The following MEPCE variants were observed in gnomAD, a reference collection of about 807,000 sequenced individuals.
MEPCE encodes methylphosphate capping enzyme, also known as 7SK snRNA methylphosphate capping enzyme.
In MEPCE, 9 loss-of-function variants were observed where a neutral mutation model predicts 52.3. The ratio of observed to expected loss-of-function variants is 0.17; its 90% CI spans 0.10 to 0.30. The LOEUF is 0.30. Ranked by LOEUF, MEPCE falls within the 10% of genes least tolerant of loss-of-function variation. MEPCE has a pLI of 1.00. For synonymous variants in MEPCE, 477 were observed against 401.6 expected (o/e 1.19, Z -2.25); for missense variants, 826 against 933.0 (o/e 0.89, Z 1.49).
Position 100,433,769 on chromosome 7 carries a change from C to T in MEPCE, c.*215C>T, listed in dbSNP as rs765929049. The T allele has an allele frequency of 6.8e-6, 4 of 589,986 alleles. No homozygotes were observed. Among genetic ancestry groups the T allele is most frequent in the Non-Finnish European group, 1.2e-5 (4 of 334,126 alleles). 36.5% of individuals were successfully genotyped at this position (589,986 alleles called of 1,614,324 possible). The stretch of plus-strand genomic sequence containing the variant: ...AGGCTGGCTGTGCTGGAGTCACCAT[C>T]ATCTTCCTCTCCCCCAGCCTCCCAG... On this transcript the variant is annotated 3_prime_UTR_variant, in exon 4 of 4. Transcript: ENST00000310512.
At chr7:100,431,854 G>A (rs911086167) in intron 1 of MEPCE, among the ~76,000 whole-genome samples, 165 bp downstream of exon 1, 1 of 152,198 alleles carries the variant, frequency 6.6e-6, no homozygotes, top group African/African-American at 2.4e-5. Context: ...TGGAAAGGTG[G>A]GGTGTCTACC....
rs1798800253 is a variant in MEPCE, at chr7:100,433,965, A to G, written c.*411A>G. Reference sequence around the variant, plus strand: ...CTAGCTGCATTTCAGTGGACCATGGATAGAGGGACTGAGGGTTAGACGGGG... The same window carrying G: ...CTAGCTGCATTTCAGTGGACCATGGGTAGAGGGACTGAGGGTTAGACGGGG... On this transcript the variant is annotated 3_prime_UTR_variant, in exon 4 of 4. Transcript: ENST00000310512. 5.2e-6 allele frequency: 1 copy of G among 193,612 alleles called. No individual in the cohort carries two copies. The highest frequency in any genetic ancestry group is 1.1e-5 in the Non-Finnish European group (1 of 93,030). 12.0% of individuals were successfully genotyped at this position (193,612 alleles called of 1,614,324 possible).
At chr7:100,429,719 G>T (rs967055156), upstream of MEPCE, 2 of 317,370 alleles carry the variant, frequency 6.3e-6, no homozygotes, top group Admixed American at 1.0e-4. Context: ...TGGTTCCCGG[G>T]CGAAGGGAAC....
In MEPCE at chr7:100,430,981, C is replaced by A; in HGVS notation, c.963C>A (p.Ala321=). The A allele has an allele frequency of 6.2e-7, 1 of 1,612,540 alleles. No homozygotes were observed. The highest frequency in any genetic ancestry group is 8.5e-7 in the Non-Finnish European group (1 of 1,179,106). The change falls in exon 1 of 4, where the codon GCC becomes GCA. Residue 321 remains alanine, a synonymous_variant. Coordinates refer to ENST00000310512, the MANE Select transcript of MEPCE (RefSeq NM_019606.6). ...CCCAACCCTATGAACTCAACACAGC[C>A]ATCAACTGCAGGGATGAAGTGGTGT... The part of the protein sequence containing the change: ...DAPQPYELNT[A]INCRDEVVSP...
rs1318971884 is a variant in MEPCE, at chr7:100,430,615, C to T, written c.597C>T (p.Ser199=). The T allele has an allele frequency of 6.2e-7, 1 of 1,613,176 alleles. No individual in the cohort carries two copies. The highest frequency in any genetic ancestry group is 1.1e-5 in the South Asian group (1 of 91,022). Residue 199 remains serine (S), a synonymous_variant, in exon 1 of 4, where the codon AGC becomes AGT. Coordinates refer to ENST00000310512, the MANE Select transcript of MEPCE (RefSeq NM_019606.6). The stretch of plus-strand genomic sequence containing the variant: ...TCTTTGATCCCCTGAACCTGAATAG[C>T]CTCCTGGATGAGGAAGTGAGCCGCA... ...GNIFDPLNLN[S]LLDEEVSRTL...
chr7:100,430,423 C>T lies in MEPCE; in HGVS notation c.405C>T (p.Gly135=), dbSNP rs761186342. Residue 135 remains glycine, a synonymous_variant, in exon 1 of 4, where the codon GGC becomes GGT. Transcript: ENST00000310512. ...GPPAPPRPRN[G]YQPHRPPGGG... The stretch of plus-strand genomic sequence containing the variant: ...CTGCTCCTCCTCGACCCCGCAATGG[C>T]TATCAGCCCCACCGGCCACCTGGGG... The T allele has an allele frequency of 3.0e-5, 46 of 1,553,968 alleles. No homozygotes were observed. Among genetic ancestry groups the T allele is most frequent in the Non-Finnish European group, 3.4e-5 (39 of 1,153,070 alleles).
In MEPCE at chr7:100,430,330, G is replaced by T. The variant is rs926372593; in HGVS notation, c.312G>T (p.Pro104=). Residue 104 remains proline (P), a synonymous_variant, in exon 1 of 4, where the codon CCG becomes CCT. Transcript: ENST00000310512. ...SHGEARLSDP[P]GRAAPPDVGE... ...GGGAGGCCCGCCTGTCGGATCCCCC[G>T]GGGCGAGCCGCTCCCCCGGACGTGG... 1 of 1,423,050 alleles carries T rather than the reference G, an allele frequency of 7.0e-7. No homozygotes were observed. The highest frequency in any genetic ancestry group is 1.5e-5 in the South Asian group (1 of 66,348). 88.2% of individuals were successfully genotyped at this position (1,423,050 alleles called of 1,614,324 possible).
rs772272730 is a variant in MEPCE, at chr7:100,433,492, C to A, written c.2018-10C>A. ...TGCCAACCCCTTCTGATCACTCTCT[C>A]TCCCCTCAGGCTTCCAGCGTCCTGT... On this transcript the variant is annotated splice_polypyrimidine_tract_variant and intron_variant, in intron 3 of 3. Coordinates refer to ENST00000310512, the MANE Select transcript of MEPCE (RefSeq NM_019606.6). The A allele has an allele frequency of 1.2e-6, 2 of 1,614,076 alleles. No homozygotes were observed. Among genetic ancestry groups the A allele is most frequent in the Non-Finnish European group, 8.5e-7 (1 of 1,179,990 alleles).
At position 100,431,353 on chromosome 7, in the gene MEPCE, G is replaced by A. The variant is rs760140154; in HGVS notation, c.1335G>A (p.Arg445=). 4.3e-6 allele frequency: 7 copies of A among 1,614,200 alleles called. No individual in the cohort carries two copies. The South Asian group carries it at 7.7e-5, about 18-fold the overall frequency. The change falls in exon 1 of 4, where the codon CGG becomes CGA. Residue 445 remains arginine (R), a synonymous_variant. Transcript: ENST00000310512. ...TGAAGCCTGAGTGGTTTCGGGGCCGGGACGTCCTAGATCTGGGCTGCAATG... is the reference window on the plus strand; with the variant it reads ...TGAAGCCTGAGTGGTTTCGGGGCCGAGACGTCCTAGATCTGGGCTGCAATG... ...RVLKPEWFRG[R]DVLDLGCNVG...
chr7:100,433,921 T>C lies in MEPCE; in HGVS notation c.*367T>C, dbSNP rs184014474. 243 of 260,176 alleles carry C rather than the reference T, an allele frequency of 9.3e-4. No individual in the cohort carries two copies. The highest frequency in any genetic ancestry group is 4.1e-3 in the Admixed American group (83 of 20,016). The allele number at this position is 260,176 out of a possible 1,614,324, so 16.1% of individuals were successfully genotyped here. ...AGAGATTCCCATTTCTCCTCGGCCA[T>C]TGTACCTAGCTCTTGTCCCTAGCTG... On this transcript the variant is annotated 3_prime_UTR_variant, in exon 4 of 4. Transcript: ENST00000310512.
chr7:100,430,796 C>A lies in MEPCE; in HGVS notation c.778C>A (p.Arg260=), dbSNP rs373863131. 6.2e-7 allele frequency: 1 copy of A among 1,613,570 alleles called. No homozygotes were observed. Among genetic ancestry groups the A allele is most frequent in the Non-Finnish European group, 8.5e-7 (1 of 1,179,804 alleles). ...TCTTGCTTCGCCACTCAAGACTGGT[C>A]GGAAGCGGCATAGACACCGGGGACA... is the stretch of plus-strand genomic sequence containing the variant. ...VVLASPLKTG[R]KRHRHRGQHH... Residue 260 remains arginine (R), a synonymous_variant, in exon 1 of 4, where the codon CGG becomes AGG. Coordinates refer to ENST00000310512, the MANE Select transcript of MEPCE (RefSeq NM_019606.6).
In MEPCE at chr7:100,431,156, G is replaced by T. The variant is rs371546201; in HGVS notation, c.1138G>T (p.Gly380Cys). 6.2e-7 allele frequency: 1 copy of T among 1,613,706 alleles called. No individual in the cohort carries two copies. The highest frequency in any genetic ancestry group is 8.5e-7 in the Non-Finnish European group (1 of 1,180,036). Residue 380 changes from glycine to cysteine, a missense_variant, in exon 1 of 4, where the codon GGC becomes TGC. By Grantham distance (159) the Gly-to-Cys change is radical (BLOSUM62 -3). Transcript: ENST00000310512. ...SKSEAGARGG[G>C]QGSKEKGRGS... is the part of the protein sequence containing the mutation. ...GTCGGAGGCAGGGGCTAGGGGTGGA[G>T]GCCAGGGTTCCAAGGAAAAGGGCCG...
chr7:100,429,785 C>T (rs538396103), upstream of MEPCE: 201 of 391,710 alleles, frequency 5.1e-4, 1 homozygote, highest in East Asian at 7.0e-3. Flanking sequence ...AGAAAGGGGT[C>T]GGCGCACGCG....
chr7:100,433,186 A>G (rs1798770446), intron 2 of MEPCE, 49 bp downstream of exon 2: 2 of 1,613,004 alleles, frequency 1.2e-6, no homozygotes, highest in Non-Finnish European at 1.7e-6. Flanking sequence ...GAGGCAAGAA[A>G]AGGCCCCGAG....
At chr7:100,431,942 C>T (rs1278042411) in intron 1 of MEPCE, among the ~76,000 whole-genome samples, 1 of 152,240 alleles carries the variant, frequency 6.6e-6, no homozygotes, top group East Asian at 1.9e-4. Flanking sequence ...TTTTGCTCTG[C>T]TCCCGGCTTG....
At chr7:100,429,218 G>GC (rs941791710), upstream of MEPCE, among the ~76,000 whole-genome samples, 2 of 152,122 alleles carry the variant, frequency 1.3e-5, no homozygotes, top group African/African-American at 2.4e-5. Context: ...TCGTCAGGAA[G>GC]CCCCGCCCCT....
Position 100,431,767 on chromosome 7 carries a change from A to G in MEPCE, c.1671+78A>G. On this transcript the variant is annotated intron_variant, in intron 1 of 3. Transcript: ENST00000310512. ...AAATGGGAATGTAGCAGGGAAGGTT[A>G]TGACCCAGATCCTCAAAAGAGGGGT... 2.2e-6 allele frequency: 3 copies of G among 1,343,688 alleles called. No homozygotes were observed. The South Asian group carries it at 4.3e-5, about 19-fold the overall frequency. 83.2% of individuals were successfully genotyped at this position (1,343,688 alleles called of 1,614,324 possible).
Position 100,433,490 on chromosome 7 carries a change from C to G in MEPCE, c.2018-12C>G, listed in dbSNP as rs746159161. 4 of 1,614,064 alleles carry G rather than the reference C, an allele frequency of 2.5e-6. No homozygotes were observed. The highest frequency in any genetic ancestry group is 1.7e-5 in the Admixed American group (1 of 60,024). On this transcript the variant is annotated splice_polypyrimidine_tract_variant and intron_variant, in intron 3 of 3. Coordinates refer to ENST00000310512, the MANE Select transcript of MEPCE (RefSeq NM_019606.6). ...GCTGCCAACCCCTTCTGATCACTCT[C>G]TCTCCCCTCAGGCTTCCAGCGTCCT...
Position 100,430,771 on chromosome 7 carries a change from T to G in MEPCE, c.753T>G (p.Val251=), listed in dbSNP as rs773903949. 8 of 1,613,724 alleles carry G rather than the reference T, an allele frequency of 5.0e-6. 1 individual carries two copies. Among genetic ancestry groups the G allele is most frequent in the Non-Finnish European group, 6.8e-6 (8 of 1,180,008 alleles). ...LNTCTDEGHV[V]LASPLKTGRK... The stretch of plus-strand genomic sequence containing the variant: ...CTTGCACTGATGAGGGCCATGTAGT[T>G]CTTGCTTCGCCACTCAAGACTGGTC... Residue 251 remains valine, a synonymous_variant, in exon 1 of 4, where the codon GTT becomes GTG. Transcript: ENST00000310512.
Sources: gnomAD v4.1 joint callset for allele counts (sites outside exome capture counted in the v4.1 genomes callset) on GRCh38, gnomAD v4.1.1 for gene constraint, MANE v1.5 for transcripts, NCBI Gene and HGNC (gene_info 2026-07-23, HGNC 2026-07-21) for gene names.